Variants in ARHGEF10 observed in about 807,000 individuals in gnomAD.
The protein encoded by ARHGEF10 is Rho guanine nucleotide exchange factor (GEF) 10.
Under a neutral mutation model 147.4 loss-of-function variants are expected in ARHGEF10, and 140 were observed. The observed-to-expected ratio is 0.95, with a 90% CI of 0.83 to 1.09. ARHGEF10 has a LOEUF of 1.09. Ranked by LOEUF, ARHGEF10 falls within the 50% of genes least tolerant of loss-of-function variation. The probability of loss-of-function intolerance (pLI) is 0.00; values close to 1 mark genes in which losing one functional copy is unlikely to be tolerated. For missense variants in ARHGEF10, 2,222 were observed against 1,752.7 expected, an observed-to-expected ratio of 1.27 and a Z score of -4.78; for synonymous variants, 902 against 695.8, an observed-to-expected ratio of 1.30 and a Z score of -4.67.
intron 15 of ARHGEF10, among the ~76,000 whole-genome samples, chr8:1,902,568 G>C (rs1303471537): frequency 1.3e-5 from 2 of 151,972 alleles, no homozygotes; most frequent in African/African-American, 4.8e-5. Context: ...AAAGTACAGA[G>C]GTTTCCCATC....
Position 1,878,759 on chromosome 8 carries a change from G to A in ARHGEF10, c.844-1289G>A, listed in dbSNP as rs146251378. On this transcript the variant is annotated intron_variant, in intron 8 of 28. Coordinates refer to ENST00000349830, the MANE Select transcript of ARHGEF10 (RefSeq NM_014629.4). ...GGAGACCCTGCCCTTGCTTTGGAGC[G>A]GGCCCGTATCCCAGAGGAGCCCTTG... is the stretch of plus-strand genomic sequence containing the variant. 5.7e-3 allele frequency among the ~76,000 whole-genome samples: 864 copies of A among 152,278 alleles called. 6 individuals carry two copies. The highest frequency in any genetic ancestry group is 0.019 in the African/African-American group (786 of 41,544).
chr8:1,873,938 A>G (rs147148254), intron 7 of ARHGEF10, among the ~76,000 whole-genome samples: 1 of 152,108 alleles, frequency 6.6e-6, no homozygotes, highest in Non-Finnish European at 1.5e-5. Flanking sequence ...GAGTGGCATT[A>G]GGTACGCTCA....
chr8:1,897,202 C>T (rs1273480277), intron 14 of ARHGEF10, among the ~76,000 whole-genome samples: 1 of 152,232 alleles, frequency 6.6e-6, no homozygotes, highest in African/African-American at 2.4e-5. Context: ...AGCGAGTGAA[C>T]ACAGGGCAAG....
intron 7 of ARHGEF10, among the ~76,000 whole-genome samples, chr8:1,873,844 C>A (rs778938933): frequency 4.6e-5 from 7 of 150,662 alleles, no homozygotes; most frequent in Non-Finnish European, 1.5e-5. Context: ...GTTACAGAGG[C>A]CACACAGGGC....
chr8:1,881,652 T>C (rs2129124061), intron 9 of ARHGEF10, among the ~76,000 whole-genome samples: 1 of 152,116 alleles, frequency 6.6e-6, no homozygotes, highest in Non-Finnish European at 1.5e-5. Flanking sequence ...TTGTGTGGTG[T>C]TCATGGTGAA....
At chr8:1,831,502 CCG>C (rs762573187) in intron 1 of ARHGEF10, among the ~76,000 whole-genome samples, 9 of 141,340 alleles carry the variant, frequency 6.4e-5, no homozygotes, top group East Asian at 2.2e-4. Context: ...AGTGTGACGG[CCG>C]TGGAGGGACA....
rs150319135 is a variant in ARHGEF10 at position 1,905,619 on chromosome 8, G to A, written c.1870G>A (p.Glu624Lys). Residue 624 changes from glutamate to lysine, a missense_variant, in exon 17 of 29, where the codon GAA (glutamate) becomes AAA (lysine). Transcript: ENST00000349830. ...RYLIRSDDMIETVYNDRGEIV... is the reference protein window; with the variant it reads ...RYLIRSDDMIKTVYNDRGEIV... ...CCTCATTCGATCAGATGATATGATA[G>A]AAACAGTTTACAACGACAGAGGAGA... 6.2e-7 allele frequency: 1 copy of A among 1,614,106 alleles called. No individual in the cohort carries two copies.
intron 19 of ARHGEF10, 135 bp from the exon 20 acceptor site, chr8:1,923,333 A>C: frequency 7.4e-7 from 1 of 1,355,648 alleles, no homozygotes; most frequent in Non-Finnish European, 1.0e-6. Flanking sequence ...TCTGACTCCC[A>C]AAGCTTTCTT....
At chr8:1,862,830 G>T (rs563525028) in intron 4 of ARHGEF10, among the ~76,000 whole-genome samples, 102 of 144,948 alleles carry the variant, frequency 7.0e-4, no homozygotes, top group African/African-American at 2.5e-3. Flanking sequence ...TCAGGCTGGA[G>T]TACAGTGGCG....
At chr8:1,869,567 A>T (rs1397226748) in intron 7 of ARHGEF10, 1 of 471,582 alleles carries the variant, frequency 2.1e-6, no homozygotes, top group Non-Finnish European at 3.9e-6. Context: ...AATAAATGAC[A>T]TCAGTGAGAA....
rs1803233388 is a variant in ARHGEF10, at chr8:1,832,670, ACAGAGG to A, written c.-48+8563_-48+8568del. Among the ~76,000 whole-genome samples the A allele has an allele frequency of 3.3e-5, 4 of 122,470 alleles. 1 individual carries two copies. The highest frequency in any genetic ancestry group is 2.3e-4 in the East Asian group (1 of 4,280). 80.3% of individuals were successfully genotyped at this position (122,470 alleles called of 152,430 possible). ...GAGACAGAGAGAGACAGAGGCAGAG[ACAGAGG>A]CAGAGACAGAGACAGAGAGACAGGC... On this transcript the variant is annotated intron_variant, in intron 1 of 28. Transcript: ENST00000349830.
chr8:1,928,602 T>C lies in ARHGEF10; in HGVS notation c.2873T>C (p.Val958Ala), dbSNP rs773241492. ...CCCCCGGACCCCGAGACCCCGGCCG[T>C]GAGAGCTTCTGATGTCCCCACGATC... ...GAPPDPETPA[V>A]RASDVPTICV... is the part of the protein sequence containing the mutation. Residue 958 changes from valine (V) to alanine (A), a missense_variant, in exon 24 of 29, where the codon GTG becomes GCG. Val to Ala is a moderately conservative substitution (Grantham distance 64). Transcript: ENST00000349830. 1 of 1,613,454 alleles carries C rather than the reference T, an allele frequency of 6.2e-7. No individual in the cohort carries two copies. Among genetic ancestry groups the C allele is most frequent in the South Asian group, 1.1e-5 (1 of 90,954 alleles).
rs146552706 is a variant in ARHGEF10, at chr8:1,937,917, G to A, written c.3222+3975G>A. Among the ~76,000 whole-genome samples, 29 of 151,816 alleles carry A rather than the reference G, an allele frequency of 1.9e-4. No homozygotes were observed. Among genetic ancestry groups the A allele is most frequent in the Non-Finnish European group, 3.5e-4 (24 of 68,034 alleles). ...TGTTCCTGGAGTGACTGTGCCAGTG[G>A]AGGAGTCAGCATACCGGTGGGGGTG... is the stretch of plus-strand genomic sequence containing the variant. On this transcript the variant is annotated intron_variant, in intron 26 of 28. Transcript: ENST00000349830. The surrounding 1 kb of genome is among the most constrained non-coding windows in gnomAD (Gnocchi z 4.9).
At chr8:1,915,678 G>C (rs1218648186) in intron 18 of ARHGEF10, among the ~76,000 whole-genome samples, 1 of 152,228 alleles carries the variant, frequency 6.6e-6, no homozygotes, top group Non-Finnish European at 1.5e-5. Context: ...GTTACCTCAG[G>C]GACAAACACT....
At chr8:1,873,853 G>A (rs1207426626) in intron 7 of ARHGEF10, among the ~76,000 whole-genome samples, 1 of 147,172 alleles carries the variant, frequency 6.8e-6, no homozygotes, top group African/African-American at 2.4e-5. Flanking sequence ...GCCACACAGG[G>A]CCACTTTTTT....
Position 1,894,301 on chromosome 8 carries a change from G to A in ARHGEF10, c.1261-92G>A, listed in dbSNP as rs901952085. 6 of 1,363,946 alleles carry A rather than the reference G, an allele frequency of 4.4e-6. No individual in the cohort carries two copies. The South Asian group carries it at 6.0e-5, about 14-fold the overall frequency. The allele number at this position is 1,363,946 out of a possible 1,614,324, so 84.5% of individuals were successfully genotyped here. A position where few individuals can be genotyped will look rare whatever the true frequency, so the allele number is the denominator to read the frequency against. Reference sequence around the variant, plus strand: ...GGAGTTTGAGGCTGCAGTGAGCCATGATCGCACCACTGCGCTGCACCCTGG... The same window carrying A: ...GGAGTTTGAGGCTGCAGTGAGCCATAATCGCACCACTGCGCTGCACCCTGG... On this transcript the variant is annotated intron_variant, in intron 12 of 28. Coordinates refer to ENST00000349830, the MANE Select transcript of ARHGEF10 (RefSeq NM_014629.4).
At chr8:1,900,443 C>T (rs955570930) in intron 15 of ARHGEF10, among the ~76,000 whole-genome samples, 2 of 152,284 alleles carry the variant, frequency 1.3e-5, no homozygotes, top group South Asian at 4.1e-4. Flanking sequence ...CATGGTGACA[C>T]AGCCCGACAG....
At chr8:1,913,092 A>C (rs1811497483) in intron 18 of ARHGEF10, among the ~76,000 whole-genome samples, 1 of 152,080 alleles carries the variant, frequency 6.6e-6, no homozygotes, top group Non-Finnish European at 1.5e-5. Flanking sequence ...ATGGACTGTC[A>C]AGCGCTCCTA....
At chr8:1,913,032 G>T (rs1811492557) in intron 18 of ARHGEF10, among the ~76,000 whole-genome samples, 2 of 152,160 alleles carry the variant, frequency 1.3e-5, no homozygotes, top group Admixed American at 1.3e-4. Flanking sequence ...CCATTCTGTG[G>T]GGGGGTTTCT....
Sources: allele counts gnomAD v4.1 joint callset (sites outside exome capture counted in the v4.1 genomes callset), GRCh38; gene constraint gnomAD v4.1.1; non-coding constraint Gnocchi (gnomAD v3.1); transcripts MANE v1.5; gene names NCBI Gene and HGNC (gene_info 2026-07-23, HGNC 2026-07-21).